The following RTL4 variants were observed in gnomAD, a reference collection of about 807,000 sequenced individuals.
RTL4 encodes the protein retrotransposon Gag like 4, also known as retrotransposon Gag-like protein 4.
Under a neutral mutation model 5.3 loss-of-function variants are expected in RTL4, and 4 were observed. That is an observed-to-expected ratio of 0.75 (90% CI 0.37 to 1.72). RTL4 has a LOEUF of 1.72. RTL4 is among the 40% of genes most tolerant of loss of function. The pLI, the probability that RTL4 is intolerant of heterozygous loss-of-function variation, is 0.04. For synonymous variants in RTL4, 98 were observed against 87.3 expected, an observed-to-expected ratio of 1.12 and a Z score of -0.68; for missense variants, 260 against 227.1, an observed-to-expected ratio of 1.14 and a Z score of -0.93.
At chrX:112,208,881 G>C in the RTL4 span, among the ~76,000 whole-genome samples, 3 of 112,368 alleles carry the variant, frequency 2.7e-5, no homozygotes, top group African/African-American at 9.7e-5. Flanking sequence ...ACAGCTGAAG[G>C]ACTGTACTTT....
At chrX:112,154,815 GC>G in the RTL4 span, among the ~76,000 whole-genome samples, 627 of 111,242 alleles carry the variant, frequency 5.6e-3, 3 homozygotes, top group Middle Eastern at 0.018. Context: ...ATTTTTTTGG[GC>G]AAGCACACAG....
the RTL4 span, among the ~76,000 whole-genome samples, chrX:112,326,519 T>C: frequency 8.9e-6 from 1 of 111,877 alleles, no homozygotes; most frequent in Admixed American, 9.4e-5. Context: ...CACGGAGTCT[T>C]TGCTGATTGC....
At chrX:112,314,356 C>A in the RTL4 span, among the ~76,000 whole-genome samples, 1 of 109,770 alleles carries the variant, frequency 9.1e-6, no homozygotes, top group African/African-American at 3.3e-5. Flanking sequence ...GTAATGGGAA[C>A]TTTTTGGTCC....
chrX:112,141,861 G>A, the RTL4 span, among the ~76,000 whole-genome samples: 1 of 112,050 alleles, frequency 8.9e-6, no homozygotes, highest in African/African-American at 3.2e-5. Flanking sequence ...TTGGAAATTG[G>A]TAGTTGATGT....
At chrX:112,442,806 G>A in the RTL4 span, among the ~76,000 whole-genome samples, 1 of 110,556 alleles carries the variant, frequency 9.0e-6, no homozygotes, top group Non-Finnish European at 1.9e-5. Context: ...TGGGTATATA[G>A]TAGGTGTACA....
At chrX:112,278,436 A>G in the RTL4 span, among the ~76,000 whole-genome samples, 1 of 112,422 alleles carries the variant, frequency 8.9e-6, no homozygotes, top group Middle Eastern at 4.6e-3. Flanking sequence ...AGATACTGAC[A>G]TCTAAATGTT....
chrX:112,240,217 C>A, the RTL4 span, among the ~76,000 whole-genome samples: 1 of 111,406 alleles, frequency 9.0e-6, no homozygotes, highest in Non-Finnish European at 1.9e-5. Context: ...GGTGACAAGA[C>A]AAGGAACAAT....
the RTL4 span, among the ~76,000 whole-genome samples, chrX:112,151,996 A>C: frequency 1.8e-5 from 2 of 112,047 alleles, no homozygotes; most frequent in Non-Finnish European, 3.8e-5. Context: ...GGAGCGGGGC[A>C]GTTCTATCTG....
chrX:112,261,030 G>A, the RTL4 span, among the ~76,000 whole-genome samples: 56 of 111,450 alleles, frequency 5.0e-4, no homozygotes, highest in African/African-American at 1.7e-3. Flanking sequence ...ATTGAACCTC[G>A]ACTTAAATTA....
chrX:112,174,545 T>C, the RTL4 span, among the ~76,000 whole-genome samples: 3 of 105,884 alleles, frequency 2.8e-5, no homozygotes, highest in African/African-American at 6.9e-5. Context: ...TAAGCATACA[T>C]GTGCATGTGT....
chrX:112,164,074 C>A, the RTL4 span, among the ~76,000 whole-genome samples: 1 of 111,810 alleles, frequency 8.9e-6, no homozygotes, highest in South Asian at 3.8e-4. Flanking sequence ...AACTCAAATC[C>A]AGAGGTCTAA....
the RTL4 span, among the ~76,000 whole-genome samples, chrX:112,396,591 CATATT>C: frequency 3.6e-5 from 4 of 111,129 alleles, no homozygotes; most frequent in African/African-American, 1.3e-4. Flanking sequence ...ACAGGGTTCT[CATATT>C]ATATCCCCCC....
the RTL4 span, among the ~76,000 whole-genome samples, chrX:112,306,510 A>C: frequency 5.1e-4 from 57 of 111,627 alleles, no homozygotes; most frequent in African/African-American, 1.9e-3. Context: ...GACCTGCCCG[A>C]GGTCACACAG....
the RTL4 span, among the ~76,000 whole-genome samples, chrX:112,323,929 A>G: frequency 8.9e-6 from 1 of 112,311 alleles, no homozygotes; most frequent in African/African-American, 3.2e-5. Context: ...AATATTTTAT[A>G]AAGCTATAAT....
the RTL4 span, among the ~76,000 whole-genome samples, chrX:112,212,362 C>A: frequency 9.0e-6 from 1 of 110,826 alleles, no homozygotes; most frequent in South Asian, 3.9e-4. Flanking sequence ...GGCGACAGAG[C>A]GAGACTCCGT....
the RTL4 span, among the ~76,000 whole-genome samples, chrX:112,329,788 G>C: frequency 1.8e-5 from 2 of 111,117 alleles, no homozygotes; most frequent in African/African-American, 6.6e-5. Flanking sequence ...GAATCCAGCA[G>C]CACATCAAAA....
At chrX:112,338,685 A>T in the RTL4 span, among the ~76,000 whole-genome samples, 2 of 111,764 alleles carry the variant, frequency 1.8e-5, no homozygotes, top group Admixed American at 1.9e-4. Context: ...AGTGATTGTG[A>T]TGGAGCCAAG....
the RTL4 span, among the ~76,000 whole-genome samples, chrX:112,299,224 T>C: frequency 1.8e-5 from 2 of 112,018 alleles, no homozygotes; most frequent in African/African-American, 3.2e-5. Flanking sequence ...AGGGCAGCCA[T>C]AGTCCATGAG....
chrX:112,454,158 A>T (rs1387266160), upstream of RTL4, among the ~76,000 whole-genome samples: 3 of 112,236 alleles, frequency 2.7e-5, no homozygotes, highest in African/African-American at 9.7e-5. Flanking sequence ...TCCATGGGCC[A>T]CATTGGAAGA....
Sources: allele counts gnomAD v4.1 joint callset (sites outside exome capture counted in the v4.1 genomes callset), GRCh38; gene constraint gnomAD v4.1.1; transcripts MANE v1.5; gene names NCBI Gene and HGNC (gene_info 2026-07-23, HGNC 2026-07-21).